Variants in SEMA6D observed in about 807,000 individuals in gnomAD.
SEMA6D encodes semaphorin-6D.
In SEMA6D, 35 loss-of-function variants were observed where a neutral mutation model predicts 106.6. That is an observed-to-expected ratio of 0.33 (90% CI 0.25 to 0.44). SEMA6D has a LOEUF of 0.44. Ranked by LOEUF, SEMA6D falls within the 20% of genes least tolerant of loss-of-function variation. SEMA6D has a pLI of 1.00. For synonymous variants in SEMA6D, 499 were observed against 487.7 expected (o/e 1.02, Z -0.31); for missense variants, 1,185 against 1,345.9 (o/e 0.88, Z 1.87).
chr15:47,445,088 T>G (rs2041991805), intron 2 of SEMA6D, among the ~76,000 whole-genome samples: 1 of 152,078 alleles, frequency 6.6e-6, no homozygotes, highest in Admixed American at 6.6e-5. Context: ...CAAACTCCTC[T>G]TGGGATTCAG....
rs1271138493 is a variant in SEMA6D, at chr15:47,770,739, A to G, written c.2176A>G (p.Lys726Glu). 2 of 1,614,150 alleles carry G rather than the reference A, an allele frequency of 1.2e-6. No individual in the cohort carries two copies. The highest frequency in any genetic ancestry group is 3.3e-5 in the Admixed American group (2 of 60,026). ...KLNGLFDSPV[K>E]EYQQNIDSPK... ...GAATGGTCTCTTTGACAGCCCTGTC[A>G]AGGAATACCAACAGAATATTGATTC... The change falls in exon 19 of 19, where the codon AAG becomes GAG. Residue 726 changes from lysine (K) to glutamate (E), a missense_variant. Coordinates refer to ENST00000536845, the MANE Select transcript of SEMA6D (RefSeq NM_001358351.3).
chr15:47,263,140 A>G (rs1468635911), intron 1 of SEMA6D, among the ~76,000 whole-genome samples: 1 of 152,196 alleles, frequency 6.6e-6, no homozygotes, highest in Non-Finnish European at 1.5e-5. Context: ...GGGATTGGCA[A>G]AGATTTTATG....
At chr15:47,206,000 C>T (rs1475943516) in intron 1 of SEMA6D, among the ~76,000 whole-genome samples, 1 of 152,128 alleles carries the variant, frequency 6.6e-6, no homozygotes, top group Non-Finnish European at 1.5e-5. Flanking sequence ...AATGTAGACA[C>T]AACTGTACCT....
At chr15:47,750,153 G>A (rs1261683160) in intron 1 of SEMA6D, among the ~76,000 whole-genome samples, 1 of 152,072 alleles carries the variant, frequency 6.6e-6, no homozygotes, top group Admixed American at 6.5e-5. Context: ...GTGGGAGAGA[G>A]AGAAAGCAGA....
intron 1 of SEMA6D, among the ~76,000 whole-genome samples, chr15:47,719,584 A>C (rs2079301709): frequency 6.6e-6 from 1 of 152,156 alleles, no homozygotes; most frequent in Admixed American, 6.5e-5. Flanking sequence ...TCCAAAGCTG[A>C]AGTCCCTGGG....
chr15:47,208,206 A>G (rs1895242885), intron 1 of SEMA6D, among the ~76,000 whole-genome samples: 1 of 152,096 alleles, frequency 6.6e-6, no homozygotes, highest in Non-Finnish European at 1.5e-5. Flanking sequence ...AATATGACCC[A>G]CCTCATGGGA....
At chr15:47,317,701 G>T (rs184664985) in intron 1 of SEMA6D, among the ~76,000 whole-genome samples, 96 of 152,244 alleles carry the variant, frequency 6.3e-4, no homozygotes, top group Non-Finnish European at 1.2e-3. Flanking sequence ...TTGCTCGCAT[G>T]GTTTCTGAGA....
At chr15:47,516,552 A>G (rs2044394849) in intron 3 of SEMA6D, among the ~76,000 whole-genome samples, 1 of 152,186 alleles carries the variant, frequency 6.6e-6, no homozygotes, top group Non-Finnish European at 1.5e-5. Context: ...GAAGCCTTGA[A>G]TACTAATTGC....
At chr15:47,701,990 G>A (rs991261299) in intron 4 of SEMA6D, among the ~76,000 whole-genome samples, 4 of 152,214 alleles carry the variant, frequency 2.6e-5, no homozygotes, top group Admixed American at 2.6e-4. Flanking sequence ...GTCAAAACTA[G>A]TCAAAAGTGT....
At chr15:47,417,125 T>C (rs537600231) in intron 2 of SEMA6D, among the ~76,000 whole-genome samples, 203 of 152,218 alleles carry the variant, frequency 1.3e-3, no homozygotes, top group Non-Finnish European at 4.9e-4. Context: ...TTCTTAATAA[T>C]GTGTTTTATC....
intron 1 of SEMA6D, among the ~76,000 whole-genome samples, chr15:47,364,644 G>A (rs1476854342): frequency 6.6e-6 from 1 of 152,094 alleles, no homozygotes; most frequent in Non-Finnish European, 1.5e-5. Flanking sequence ...GTGAGTAGAG[G>A]AGGCAGCCAA....
chr15:47,653,593 T>G (rs1243042911), intron 4 of SEMA6D, among the ~76,000 whole-genome samples: 1 of 152,240 alleles, frequency 6.6e-6, no homozygotes, highest in Non-Finnish European at 1.5e-5. Flanking sequence ...CCAGAGCCAT[T>G]GCAAAGCTTT....
chr15:47,663,737 A>G (rs1054840848), intron 4 of SEMA6D, among the ~76,000 whole-genome samples: 1 of 152,188 alleles, frequency 6.6e-6, no homozygotes, highest in Non-Finnish European at 1.5e-5. Context: ...AAATTCCAAG[A>G]TATTCTAAGA....
At chr15:47,270,049 G>A (rs1330799626) in intron 1 of SEMA6D, among the ~76,000 whole-genome samples, 3 of 150,838 alleles carry the variant, frequency 2.0e-5, no homozygotes, top group Admixed American at 2.0e-4. Flanking sequence ...ATAGTTTCTA[G>A]ATTACGGAGT....
chr15:47,658,630 C>G (rs1014304809), intron 4 of SEMA6D, among the ~76,000 whole-genome samples: 1 of 152,134 alleles, frequency 6.6e-6, no homozygotes, highest in South Asian at 2.1e-4. Context: ...TCCTTCCCCC[C>G]TCAACTAACA....
intron 1 of SEMA6D, among the ~76,000 whole-genome samples, chr15:47,739,512 G>T (rs771177567): frequency 6.6e-6 from 1 of 152,142 alleles, no homozygotes; most frequent in African/African-American, 2.4e-5. Flanking sequence ...GTTAAGATAG[G>T]TTTTAGTGGT....
intron 1 of SEMA6D, among the ~76,000 whole-genome samples, chr15:47,224,373 T>C (rs1362034248): frequency 6.6e-6 from 1 of 152,068 alleles, no homozygotes; most frequent in East Asian, 1.9e-4. Context: ...ATAATAATGA[T>C]AATTGCACCC....
At chr15:47,541,505 T>C (rs966383445) in intron 3 of SEMA6D, among the ~76,000 whole-genome samples, 2 of 152,200 alleles carry the variant, frequency 1.3e-5, no homozygotes, top group African/African-American at 2.4e-5. Context: ...CTGATGTTTC[T>C]AACAGCATTT....
chr15:47,536,775 A>G (rs370295071), intron 3 of SEMA6D, among the ~76,000 whole-genome samples: 1 of 152,202 alleles, frequency 6.6e-6, no homozygotes, highest in Non-Finnish European at 1.5e-5. Context: ...ATTCCCAAAG[A>G]TGGTATTATT....
Sources: allele counts gnomAD v4.1 joint callset (sites outside exome capture counted in the v4.1 genomes callset), GRCh38; gene constraint gnomAD v4.1.1; transcripts MANE v1.5; gene names NCBI Gene and HGNC (gene_info 2026-07-23, HGNC 2026-07-21).